Variants in CCSER1 observed in about 807,000 individuals in gnomAD.
The protein encoded by CCSER1 is coiled-coil serine rich protein 1.
Under a neutral mutation model 82.0 loss-of-function variants are expected in CCSER1, and 41 were observed. The ratio of observed to expected loss-of-function variants is 0.50; its 90% confidence interval spans 0.39 to 0.65. The LOEUF is 0.65. Ranked by LOEUF, CCSER1 falls within the 30% of genes least tolerant of loss-of-function variation. The probability of loss-of-function intolerance (pLI) is 0.00; values close to 1 mark genes in which losing one functional copy is unlikely to be tolerated. For missense variants in CCSER1, 1,119 were observed against 1,064.2 expected, an observed-to-expected ratio of 1.05 and a Z score of -0.72; for synonymous variants, 414 against 383.9, an observed-to-expected ratio of 1.08 and a Z score of -0.92.
chr4:90,338,652 C>A (rs1190448554), intron 3 of CCSER1, among the ~76,000 whole-genome samples: 1 of 152,160 alleles, frequency 6.6e-6, no homozygotes, highest in Non-Finnish European at 1.5e-5. Context: ...TCTAGCTCTG[C>A]ATTTTCGTTT....
intron 10 of CCSER1, among the ~76,000 whole-genome samples, chr4:91,150,909 A>G (rs1279866465): frequency 2.0e-5 from 3 of 152,210 alleles, no homozygotes; most frequent in Admixed American, 2.0e-4. Flanking sequence ...GATGTTCATC[A>G]GGGATATTGG....
At chr4:91,489,774 C>T (rs574910305) in intron 10 of CCSER1, among the ~76,000 whole-genome samples, 82 of 48,164 alleles carry the variant, frequency 1.7e-3, no homozygotes, top group Non-Finnish European at 3.6e-3. Flanking sequence ...GGAGACAGAG[C>T]GAGACTCCAT....
chr4:90,245,556 T>C (rs912394108), intron 1 of CCSER1, among the ~76,000 whole-genome samples: 1 of 152,210 alleles, frequency 6.6e-6, no homozygotes, highest in Non-Finnish European at 1.5e-5. Flanking sequence ...TTTTATTTCT[T>C]ATGTCTTGTA....
At chr4:90,162,279 T>C (rs1729594838) in intron 1 of CCSER1, among the ~76,000 whole-genome samples, 1 of 152,126 alleles carries the variant, frequency 6.6e-6, no homozygotes, top group African/African-American at 2.4e-5. Flanking sequence ...AACTGAAATA[T>C]TGACATTTAT....
At chr4:90,572,735 T>C (rs886769968) in intron 5 of CCSER1, among the ~76,000 whole-genome samples, 2 of 152,170 alleles carry the variant, frequency 1.3e-5, no homozygotes, top group Non-Finnish European at 2.9e-5. Flanking sequence ...GTTTTTCTTA[T>C]TTTACTGGAT....
intron 4 of CCSER1, among the ~76,000 whole-genome samples, chr4:90,425,263 A>G (rs749876392): frequency 6.6e-6 from 1 of 152,140 alleles, no homozygotes; most frequent in Non-Finnish European, 1.5e-5. Flanking sequence ...ATAGGGAGGA[A>G]TCACCTGGTG....
At chr4:90,139,999 G>A (rs1724444185) in intron 1 of CCSER1, among the ~76,000 whole-genome samples, 1 of 151,936 alleles carries the variant, frequency 6.6e-6, no homozygotes, top group African/African-American at 2.4e-5. Flanking sequence ...AATGAAAAAT[G>A]AATAAAGCAA....
At chr4:91,109,245 C>T (rs1166594616) in intron 10 of CCSER1, among the ~76,000 whole-genome samples, 1 of 152,134 alleles carries the variant, frequency 6.6e-6, no homozygotes, top group South Asian at 2.1e-4. Context: ...TCTTCTCAAG[C>T]TCGATGATTT....
At chr4:91,008,964 A>T (rs1738758682) in intron 9 of CCSER1, among the ~76,000 whole-genome samples, 1 of 152,198 alleles carries the variant, frequency 6.6e-6, no homozygotes, top group South Asian at 2.1e-4. Flanking sequence ...ACTAGTGTTC[A>T]GCTCGATTAG....
At chr4:90,225,124 C>A (rs906007135) in intron 1 of CCSER1, among the ~76,000 whole-genome samples, 6 of 151,786 alleles carry the variant, frequency 4.0e-5, no homozygotes, top group Non-Finnish European at 7.4e-5. Context: ...AGTGCAGTGG[C>A]ACCATCATGG....
At chr4:90,442,226 C>G (rs1215762051) in intron 4 of CCSER1, among the ~76,000 whole-genome samples, 2 of 152,066 alleles carry the variant, frequency 1.3e-5, no homozygotes, top group Non-Finnish European at 2.9e-5. Flanking sequence ...AATGAGACAT[C>G]AGACTTAATA....
At chr4:90,938,716 C>A in intron 9 of CCSER1, 1 of 389,960 alleles carries the variant, frequency 2.6e-6, no homozygotes, top group Non-Finnish European at 5.3e-6. Flanking sequence ...TTATTTAAAC[C>A]AGTACTTATT....
chr4:90,584,765 C>G lies in CCSER1; in HGVS notation c.1725-43260C>G, dbSNP rs17017220. Among the ~76,000 whole-genome samples the G allele has an allele frequency of 5.3e-3, 805 of 152,098 alleles. 5 individuals are homozygous for G. Among genetic ancestry groups the G allele is most frequent in the Middle Eastern group, 0.02 (6 of 294 alleles). On this transcript the variant is annotated intron_variant, in intron 5 of 10. Coordinates refer to ENST00000509176, the MANE Select transcript of CCSER1 (RefSeq NM_001145065.2). ...AGTATAGCTCAAATAATATATCAGA[C>G]TATGAAGTACGTATTTAACCATGTT...
chr4:90,924,240 A>G (rs1728770944), intron 9 of CCSER1, among the ~76,000 whole-genome samples: 1 of 152,178 alleles, frequency 6.6e-6, no homozygotes, highest in African/African-American at 2.4e-5. Context: ...GAAATAAAAT[A>G]GAAATAATTT....
At chr4:91,591,226 T>C (rs766516507) in intron 10 of CCSER1, among the ~76,000 whole-genome samples, 7 of 152,120 alleles carry the variant, frequency 4.6e-5, no homozygotes, top group African/African-American at 7.2e-5. Flanking sequence ...ATGAAAATGC[T>C]TATTTACATT....
In CCSER1 at chr4:91,010,555, T is replaced by C. The variant is rs769691151; in HGVS notation, c.2173-75395T>C. 1.5e-4 allele frequency among the ~76,000 whole-genome samples: 20 copies of C among 135,132 alleles called. 5 individuals are homozygous for C. The highest frequency in any genetic ancestry group is 3.1e-4 in the Non-Finnish European group (18 of 58,036). 88.7% of individuals were successfully genotyped at this position (135,132 alleles called of 152,430 possible). ...TGGAAATCCCATAATATTGTTTGTTTACTTAATGGTGTCCCATAAGTCCCA... is the reference window on the plus strand; with the variant it reads ...TGGAAATCCCATAATATTGTTTGTTCACTTAATGGTGTCCCATAAGTCCCA... On this transcript the variant is annotated intron_variant, in intron 9 of 10. Coordinates refer to ENST00000509176, the MANE Select transcript of CCSER1 (RefSeq NM_001145065.2).
chr4:90,851,629 C>T (rs1326061338), intron 8 of CCSER1, among the ~76,000 whole-genome samples: 2 of 147,948 alleles, frequency 1.4e-5, no homozygotes, highest in African/African-American at 5.0e-5. Flanking sequence ...TTTACCCACT[C>T]AAACAAGTAT....
intron 8 of CCSER1, among the ~76,000 whole-genome samples, chr4:90,832,879 C>T (rs1242490873): frequency 6.6e-6 from 1 of 152,064 alleles, no homozygotes; most frequent in African/African-American, 2.4e-5. Flanking sequence ...AATATATTTT[C>T]TATGTATAAA....
intron 6 of CCSER1, among the ~76,000 whole-genome samples, chr4:90,687,094 A>G (rs1734946933): frequency 1.3e-5 from 2 of 152,204 alleles, no homozygotes; most frequent in Admixed American, 1.3e-4. Flanking sequence ...GATATTTACA[A>G]TGACTAGAAG....
Sources: allele counts gnomAD v4.1 joint callset (sites outside exome capture counted in the v4.1 genomes callset), GRCh38; gene constraint gnomAD v4.1.1; transcripts MANE v1.5; gene names NCBI Gene and HGNC (gene_info 2026-07-23, HGNC 2026-07-21).